The following GRM5 variants were observed in gnomAD, a reference collection of about 807,000 sequenced individuals.
GRM5 encodes the protein metabotropic glutamate receptor 5.
A neutral mutation model predicts 83.1 loss-of-function variants in GRM5; 19 were observed. The ratio of observed to expected loss-of-function variants is 0.23; its 90% CI spans 0.16 to 0.34. The LOEUF is 0.34. Ranked by LOEUF, GRM5 falls within the 10% of genes least tolerant of loss-of-function variation. The pLI, the probability that GRM5 is intolerant of heterozygous loss-of-function variation, is 1.00. For missense variants in GRM5, 1,160 were observed against 1,588.3 expected (o/e 0.73, Z 4.58); for synonymous variants, 675 against 633.6 (o/e 1.07, Z -0.98).
intron 3 of GRM5, among the ~76,000 whole-genome samples, chr11:88,762,749 A>G (rs563691702): frequency 1.3e-5 from 2 of 152,094 alleles, no homozygotes; most frequent in African/African-American, 2.4e-5. Context: ...TCATAATAGT[A>G]AAGACATGGA....
chr11:88,533,144 G>A (rs1942054346), intron 8 of GRM5, among the ~76,000 whole-genome samples: 1 of 152,094 alleles, frequency 6.6e-6, no homozygotes, highest in Non-Finnish European at 1.5e-5. Flanking sequence ...ATTTCTCTGA[G>A]TAAATTATGA....
chr11:88,523,700 C>A (rs1941769160), intron 9 of GRM5, among the ~76,000 whole-genome samples: 1 of 152,148 alleles, frequency 6.6e-6, no homozygotes, highest in South Asian at 2.1e-4. Context: ...AAGCCCTTGG[C>A]CAGGACTGTT....
chr11:89,041,021 ATT>A (rs1489670375), intron 2 of GRM5, among the ~76,000 whole-genome samples: 1 of 152,222 alleles, frequency 6.6e-6, no homozygotes. Context: ...ATTCCCCAGC[ATT>A]CCTTATGCAG....
intron 3 of GRM5, among the ~76,000 whole-genome samples, chr11:88,769,540 T>C (rs188458872): frequency 1.1e-4 from 17 of 152,058 alleles, no homozygotes; most frequent in Non-Finnish European, 1.9e-4. Context: ...AAGATGAGCC[T>C]GGAGCATGTT....
chr11:88,908,733 C>T (rs1489093210), intron 2 of GRM5, among the ~76,000 whole-genome samples: 5 of 152,046 alleles, frequency 3.3e-5, no homozygotes, highest in Non-Finnish European at 5.9e-5. Context: ...ATTATGATTT[C>T]CTCATTATTC....
chr11:88,555,551 T>G (rs1345651613), intron 8 of GRM5, among the ~76,000 whole-genome samples: 6 of 152,116 alleles, frequency 3.9e-5, no homozygotes, highest in African/African-American at 1.4e-4. Flanking sequence ...TGGTCTCTCT[T>G]TTTTCTCAAA....
At position 88,532,021 on chromosome 11, in the gene GRM5, A is replaced by C. The variant is rs143720292; in HGVS notation, c.2631-6617T>G. 1.7e-3 allele frequency among the ~76,000 whole-genome samples: 261 copies of C among 152,194 alleles called. 1 individual carries two copies. The highest frequency in any genetic ancestry group is 6.0e-3 in the African/African-American group (250 of 41,538). The stretch of plus-strand genomic sequence containing the variant: ...AACCACAGTATACCTATTTTACTTC[A>C]TGCTATAATGCTTTAAACTATTCAT... On this transcript the variant is annotated intron_variant, in intron 8 of 9. Transcript: ENST00000305447.
chr11:88,839,196 G>A (rs1467658757), intron 3 of GRM5, among the ~76,000 whole-genome samples: 5 of 152,002 alleles, frequency 3.3e-5, no homozygotes, highest in Non-Finnish European at 7.4e-5. Context: ...ACTGACCTTT[G>A]CATGCAAGAT....
At chr11:88,628,398 G>T (rs576881713) in intron 4 of GRM5, among the ~76,000 whole-genome samples, 1 of 152,280 alleles carries the variant, frequency 6.6e-6, no homozygotes, top group South Asian at 2.1e-4. Flanking sequence ...AGATATGAAA[G>T]AAATTTAACT....
intron 3 of GRM5, among the ~76,000 whole-genome samples, chr11:88,847,855 T>C (rs1281123104): frequency 6.6e-6 from 1 of 152,148 alleles, no homozygotes; most frequent in East Asian, 1.9e-4. Context: ...AAATATAAAA[T>C]TTTGCAATGC....
At chr11:88,632,247 C>CTTTT (rs35797493) in intron 4 of GRM5, among the ~76,000 whole-genome samples, 11 of 110,962 alleles carry the variant, frequency 9.9e-5, no homozygotes, top group Non-Finnish European at 1.4e-4. Flanking sequence ...ACAGTATGTA[C>CTTTT]TTTTTTTTTT....
At chr11:88,645,759 A>C (rs1311955963) in intron 4 of GRM5, among the ~76,000 whole-genome samples, 1 of 152,158 alleles carries the variant, frequency 6.6e-6, no homozygotes, top group Non-Finnish European at 1.5e-5. Context: ...GTGAGGGACA[A>C]TAAAAATTAT....
intron 3 of GRM5, among the ~76,000 whole-genome samples, chr11:88,825,112 G>A (rs78204910): frequency 6.6e-6 from 1 of 151,780 alleles, no homozygotes; most frequent in Non-Finnish European, 1.5e-5. Flanking sequence ...CTTTTTTTTA[G>A]TTTTTCATGT....
chr11:88,853,109 C>A (rs1356066071), intron 2 of GRM5, among the ~76,000 whole-genome samples: 1 of 152,020 alleles, frequency 6.6e-6, no homozygotes, highest in East Asian at 1.9e-4. Context: ...ATCCATAGAA[C>A]GTTCTTCTTT....
chr11:88,876,225 C>T (rs1187843727), intron 2 of GRM5, among the ~76,000 whole-genome samples: 1 of 152,104 alleles, frequency 6.6e-6, no homozygotes, highest in Admixed American at 6.6e-5. Flanking sequence ...TTACCTTGCA[C>T]TTTTAGGTTA....
intron 2 of GRM5, among the ~76,000 whole-genome samples, chr11:89,001,398 C>T (rs1940373499): frequency 6.6e-6 from 1 of 151,926 alleles, no homozygotes; most frequent in South Asian, 2.1e-4. Flanking sequence ...TTGATACAGC[C>T]AACAACCTAT....
At chr11:89,025,239 G>C (rs1271510533) in intron 2 of GRM5, among the ~76,000 whole-genome samples, 1 of 152,204 alleles carries the variant, frequency 6.6e-6, no homozygotes, top group Non-Finnish European at 1.5e-5. Flanking sequence ...CTGTTCAAGA[G>C]ATATCACTAG....
chr11:88,687,269 C>T (rs1940650909), intron 3 of GRM5, among the ~76,000 whole-genome samples: 1 of 150,904 alleles, frequency 6.6e-6, no homozygotes, highest in African/African-American at 2.4e-5. Context: ...AGTCAGGAGA[C>T]AGAGACCATC....
At chr11:88,939,934 G>A (rs900679326) in intron 2 of GRM5, among the ~76,000 whole-genome samples, 2 of 151,842 alleles carry the variant, frequency 1.3e-5, no homozygotes, top group African/African-American at 4.8e-5. Flanking sequence ...TGGGGTGGCA[G>A]TAGTTGAAAG....
Sources: allele counts gnomAD v4.1 joint callset (sites outside exome capture counted in the v4.1 genomes callset), GRCh38; gene constraint gnomAD v4.1.1; transcripts MANE v1.5; gene names NCBI Gene and HGNC (gene_info 2026-07-23, HGNC 2026-07-21).